ERMAP: variants seen among roughly 807,000 people sequenced by gnomAD.
ERMAP encodes the protein erythroblast membrane associated protein (Scianna blood group).
In ERMAP, 34 loss-of-function variants were observed where a neutral mutation model predicts 49.5. That is an observed-to-expected ratio of 0.69 (90% confidence interval 0.52 to 0.91). The LOEUF is 0.91. Among genes scored for constraint, ERMAP ranks in the 40% least tolerant of loss-of-function variants. The probability of loss-of-function intolerance (pLI) is 0.00; values close to 1 mark genes in which losing one functional copy is unlikely to be tolerated. For missense variants in ERMAP, 541 were observed against 582.6 expected, an observed-to-expected ratio of 0.93 and a Z score of 0.74; for synonymous variants, 214 against 232.2, an observed-to-expected ratio of 0.92 and a Z score of 0.71.
chr1:42,836,902 T>TAAA, intron 6 of ERMAP: 3 of 286,940 alleles, frequency 1.0e-5, no homozygotes, highest in East Asian at 6.3e-5. Context: ...GGTGGCAGAT[T>TAAA]TAAAAAAAAA....
intron 11 of ERMAP, chr1:42,841,911 A>G (rs11210730): frequency 1 from 152,062 of 152,458 alleles, 75,834 homozygotes; most frequent in Middle Eastern, 1. Context: ...ATCAAGGAAA[A>G]AGGTTTATTT....
At chr1:42,835,707 G>A in intron 5 of ERMAP, 25 bp from the exon 6 acceptor site, 6 of 1,611,870 alleles carry the variant, frequency 3.7e-6, no homozygotes, top group Non-Finnish European at 4.2e-6. Context: ...CCTAAGCTGA[G>A]CTGGCATTTC....
At chr1:42,834,304 CAA>C (rs1199570027) in intron 4 of ERMAP, among the ~76,000 whole-genome samples, 2 of 152,178 alleles carry the variant, frequency 1.3e-5, no homozygotes, top group Admixed American at 1.3e-4. Context: ...GTGCTCAGGG[CAA>C]AGAGGTTGCT....
In ERMAP at chr1:42,842,952, T is replaced by TCAC; in HGVS notation, c.1150_1152dup (p.Thr384dup). 1 of 1,614,230 alleles carries TCAC rather than the reference T, an allele frequency of 6.2e-7. No individual in the cohort carries two copies. Among genetic ancestry groups the TCAC allele is most frequent in the Non-Finnish European group, 8.5e-7 (1 of 1,180,048 alleles). On this transcript the variant is annotated inframe_insertion, in exon 12 of 12. Coordinates refer to ENST00000372517, the MANE Select transcript of ERMAP (RefSeq NM_001017922.2). ...ACCAACAAGTCCCACATCTTTACTTTCACCCACAATTTCTCTGGCCCCCTT... is the reference window on the plus strand; with the variant it reads ...ACCAACAAGTCCCACATCTTTACTTTCACCACCCACAATTTCTCTGGCCCCCTT...
chr1:42,842,378 T>C (rs1251439436), intron 11 of ERMAP, 139 bp from the exon 12 acceptor site: 2 of 678,034 alleles, frequency 2.9e-6, no homozygotes, highest in Non-Finnish European at 4.9e-6. Flanking sequence ...CCAGTACACA[T>C]GGTGGGGGCG....
Position 42,843,463 on chromosome 1 carries a change from C to T in ERMAP, c.*231C>T. The T allele has an allele frequency of 2.2e-6, 1 of 449,134 alleles. No homozygotes were observed. The highest frequency in any genetic ancestry group is 4.7e-5 in the South Asian group (1 of 21,144). The allele number at this position is 449,134 out of a possible 1,614,324, so 27.8% of individuals were successfully genotyped here. On this transcript the variant is annotated 3_prime_UTR_variant, in exon 12 of 12. Coordinates refer to ENST00000372517, the MANE Select transcript of ERMAP (RefSeq NM_001017922.2). The stretch of plus-strand genomic sequence containing the variant: ...GGAGGGAGGATTCCTGGAAACCAAA[C>T]AATCAGTTTAGGTGCAGGTGGAGAT...
At chr1:42,837,876 T>C (rs1281453808) in intron 7 of ERMAP, 2 of 152,520 alleles carry the variant, frequency 1.3e-5, no homozygotes, top group African/African-American at 4.8e-5. Context: ...TCTCCTCTCT[T>C]CCCTCCTTAC....
chr1:42,834,930 A>G, intron 4 of ERMAP, 108 bp from the exon 5 acceptor site: 1 of 720,066 alleles, frequency 1.4e-6, no homozygotes, highest in Non-Finnish European at 2.6e-6. Context: ...CTCTCTCCCT[A>G]GAGGTGATGG....
chr1:42,830,648 G>A, intron 3 of ERMAP, 115 bp downstream of exon 3: 2 of 1,448,696 alleles, frequency 1.4e-6, no homozygotes, highest in Non-Finnish European at 1.9e-6. Flanking sequence ...CCCGGCCCTG[G>A]CAATCCTTTC....
intron 11 of ERMAP, among the ~76,000 whole-genome samples, chr1:42,841,741 T>C (rs1014567387): frequency 6.6e-6 from 1 of 152,226 alleles, no homozygotes; most frequent in Non-Finnish European, 1.5e-5. Context: ...AACTAGCATG[T>C]GGCAGAGCTG....
At chr1:42,835,828 A>C (rs1654881017) in intron 6 of ERMAP, 64 bp downstream of exon 6, 1 of 1,570,684 alleles carries the variant, frequency 6.4e-7, no homozygotes, top group African/African-American at 1.4e-5. Flanking sequence ...TGTGCCCCCC[A>C]TACCCACTAA....
At chr1:42,840,960 A>G (rs1229053356) in intron 11 of ERMAP, among the ~76,000 whole-genome samples, 1 of 152,200 alleles carries the variant, frequency 6.6e-6, no homozygotes, top group Non-Finnish European at 1.5e-5. Context: ...AGATGCCCCA[A>G]CAATATACAT....
In ERMAP at chr1:42,826,397, G is replaced by T. The variant is rs116260539; in HGVS notation, c.-6+659G>T. On this transcript the variant is annotated intron_variant, in intron 2 of 11. Coordinates refer to ENST00000372517, the MANE Select transcript of ERMAP (RefSeq NM_001017922.2). ...GAAATTGGCAAATTTTTTTTTAAAT[G>T]ATAATATCCAGTGATGGTAAGGTTG... Among the ~76,000 whole-genome samples, 1,382 of 151,992 alleles carry T rather than the reference G, an allele frequency of 9.1e-3. 6 individuals are homozygous for T. Among genetic ancestry groups the T allele is most frequent in the Non-Finnish European group, 0.015 (1,009 of 67,940 alleles).
rs1180751335 is a variant in ERMAP at position 42,842,871 on chromosome 1, G to A, written c.1067G>A (p.Arg356Gln). The change falls in exon 12 of 12, where the codon CGG (arginine) becomes CAG (glutamine). Residue 356 changes from arginine (R) to glutamine (Q), a missense_variant. Arg to Gln is a conservative substitution (Grantham distance 43). Transcript: ENST00000372517. Reference sequence around the variant, plus strand: ...TCCTTCCGCCTTAAAGAGCCTCCACGGTGTGTGGGGATTTTCCTGGACTAT... The same window carrying A: ...TCCTTCCGCCTTAAAGAGCCTCCACAGTGTGTGGGGATTTTCCTGGACTAT... ...QTSFRLKEPP[R>Q]CVGIFLDYEA... 9.9e-6 allele frequency: 16 copies of A among 1,614,034 alleles called. No homozygotes were observed. Among genetic ancestry groups the A allele is most frequent in the Non-Finnish European group, 1.3e-5 (15 of 1,180,044 alleles).
rs534020869 is a variant in ERMAP, at chr1:42,843,993, C to G, written c.*761C>G. Reference sequence around the variant, plus strand: ...ACTCAGCTGTATGTTGCCCTCTGACCTTGGCCCAGACCTTCAGAGGCTCAG... The same window carrying G: ...ACTCAGCTGTATGTTGCCCTCTGACGTTGGCCCAGACCTTCAGAGGCTCAG... On this transcript the variant is annotated 3_prime_UTR_variant, in exon 12 of 12. Transcript: ENST00000372517. 3.0e-5 allele frequency: 12 copies of G among 398,278 alleles called. No homozygotes were observed. Among genetic ancestry groups the G allele is most frequent in the Non-Finnish European group, 4.4e-5 (10 of 225,984 alleles). The allele number at this position is 398,278 out of a possible 1,614,324, so 24.7% of individuals were successfully genotyped here. A position where few individuals can be genotyped will look rare whatever the true frequency, so the allele number is the denominator to read the frequency against.
Position 42,842,909 on chromosome 1 carries a change from A to G in ERMAP, c.1105A>G (p.Ile369Val). The G allele has an allele frequency of 6.2e-7, 1 of 1,614,188 alleles. No homozygotes were observed. The highest frequency in any genetic ancestry group is 8.5e-7 in the Non-Finnish European group (1 of 1,180,044). ...TTTCCTGGACTATGAAGCAGGAGTC[A>G]TCTCTTTCTACAATGTGACCAACAA... ...GIFLDYEAGV[I>V]SFYNVTNKSH... Residue 369 changes from isoleucine to valine, a missense_variant, in exon 12 of 12, where the codon ATC (isoleucine) becomes GTC (valine). Ile to Val is a conservative substitution (Grantham distance 29). Transcript: ENST00000372517.
At chr1:42,831,206 C>T in intron 4 of ERMAP, 91 bp downstream of exon 4, 1 of 1,436,412 alleles carries the variant, frequency 7.0e-7, no homozygotes, top group Non-Finnish European at 9.4e-7. Context: ...CTAGACTTTT[C>T]TTTCATCTGC....
chr1:42,825,047 C>T (rs374012853), intron 1 of ERMAP, among the ~76,000 whole-genome samples: 13 of 152,310 alleles, frequency 8.5e-5, no homozygotes, highest in African/African-American at 2.4e-4. Flanking sequence ...GAATTATGTA[C>T]AATGGGCTCC....
At chr1:42,822,013 TA>T (rs534622784) in intron 1 of ERMAP, among the ~76,000 whole-genome samples, 335 of 115,912 alleles carry the variant, frequency 2.9e-3, no homozygotes, top group East Asian at 4.7e-3. Context: ...ACCCTAGCTC[TA>T]AAAAAAAAAA....
Sources: gnomAD v4.1 joint callset for allele counts (sites outside exome capture counted in the v4.1 genomes callset) on GRCh38, gnomAD v4.1.1 for gene constraint, MANE v1.5 for transcripts, NCBI Gene and HGNC (gene_info 2026-07-23, HGNC 2026-07-21) for gene names.